Variants in ERGIC1 observed in about 807,000 individuals in gnomAD.
The protein encoded by ERGIC1 is endoplasmic reticulum-Golgi intermediate compartment protein 1.
In ERGIC1, 19 loss-of-function variants were observed where a neutral mutation model predicts 38.3. The observed-to-expected ratio is 0.50, with a 90% CI of 0.35 to 0.73. ERGIC1 has a LOEUF of 0.73. Among genes scored for constraint, ERGIC1 ranks in the 30% least tolerant of loss-of-function variants. ERGIC1 has a pLI of 0.01. For missense variants in ERGIC1, 294 were observed against 389.2 expected, an observed-to-expected ratio of 0.76 and a Z score of 2.06; for synonymous variants, 124 against 157.6, an observed-to-expected ratio of 0.79 and a Z score of 1.60.
intron 1 of ERGIC1, among the ~76,000 whole-genome samples, chr5:172,871,162 G>A (rs530188979): frequency 7.4e-4 from 113 of 152,334 alleles, no homozygotes; most frequent in Middle Eastern, 3.4e-3. Flanking sequence ...AGAGGTCCCC[G>A]TGGGGGCACT....
rs558427018 is a variant in ERGIC1, at chr5:172,911,248, C to T, written c.250+1487C>T. Among the ~76,000 whole-genome samples, 68 of 152,316 alleles carry T rather than the reference C, an allele frequency of 4.5e-4. 1 individual carries two copies. Among genetic ancestry groups the T allele is most frequent in the African/African-American group, 1.4e-3 (58 of 41,562 alleles). ...GTCACAATTTTGAATCCTCGCTGGG[C>T]CCCAAGCCAGGGAACCTGTTGAAAT... On this transcript the variant is annotated intron_variant, in intron 4 of 9. Coordinates refer to ENST00000393784, the MANE Select transcript of ERGIC1 (RefSeq NM_001031711.3).
intron 9 of ERGIC1, among the ~76,000 whole-genome samples, chr5:172,947,001 T>C (rs1764136903): frequency 6.6e-6 from 1 of 151,702 alleles, no homozygotes; most frequent in Non-Finnish European, 1.5e-5. Context: ...CTGGCCAACA[T>C]GGTAAAACCC....
At chr5:172,880,123 A>C (rs866391998) in intron 1 of ERGIC1, among the ~76,000 whole-genome samples, 14 of 150,906 alleles carry the variant, frequency 9.3e-5, no homozygotes, top group Admixed American at 8.6e-4. Flanking sequence ...TGCAACCTCC[A>C]CCTCCCAGAT....
chr5:172,937,561 TTGGGAGGCTGAGG>T lies in ERGIC1; in HGVS notation c.765+2259_765+2271del, dbSNP rs1386893002. On this transcript the variant is annotated intron_variant, in intron 9 of 9. Transcript: ENST00000393784. Reference sequence around the variant, plus strand: ...GGTGCATGCCTGTAGTTTCAGCTAGTTGGGAGGCTGAGGTGGGAGGATTGCTTGAGCGTGGGAG... The same window carrying T: ...GGTGCATGCCTGTAGTTTCAGCTAGTTGGGAGGATTGCTTGAGCGTGGGAG... 2.0e-5 allele frequency: 3 copies of T among 152,156 alleles called. No individual in the cohort carries two copies. The East Asian group carries it at 5.8e-4, about 29-fold the overall frequency. 9.4% of individuals were successfully genotyped at this position (152,156 alleles called of 1,614,324 possible). A position where few individuals can be genotyped will look rare whatever the true frequency, so the allele number is the denominator to read the frequency against.
intron 9 of ERGIC1, chr5:172,937,240 C>T (rs1763905353): frequency 6.6e-6 from 1 of 152,152 alleles, no homozygotes; most frequent in Admixed American, 6.6e-5. Context: ...AGAACTCCTA[C>T]AGATCAGTAA....
intron 1 of ERGIC1, among the ~76,000 whole-genome samples, chr5:172,878,365 G>A (rs142310123): frequency 0.016 from 2,362 of 152,288 alleles, 35 homozygotes; most frequent in Non-Finnish European, 0.021. Flanking sequence ...TGTGGCCCAG[G>A]GGTGAGAAGA....
intron 2 of ERGIC1, among the ~76,000 whole-genome samples, chr5:172,893,704 G>A (rs977457878): frequency 6.6e-6 from 1 of 151,332 alleles, no homozygotes; most frequent in Non-Finnish European, 1.5e-5. Flanking sequence ...GATTTGTTCA[G>A]CAGCTGGAGA....
At chr5:172,947,119 G>A (rs993198150) in intron 9 of ERGIC1, among the ~76,000 whole-genome samples, 2 of 151,700 alleles carry the variant, frequency 1.3e-5, no homozygotes, top group South Asian at 4.2e-4. Flanking sequence ...AGGAGTGGAG[G>A]TTGCAGTGAG....
At chr5:172,847,804 C>T (rs1461771288) in intron 1 of ERGIC1, among the ~76,000 whole-genome samples, 6 of 152,198 alleles carry the variant, frequency 3.9e-5, no homozygotes, top group Non-Finnish European at 8.8e-5. Context: ...TGTGCCACCA[C>T]GCCCGGCCAC....
chr5:172,910,458 G>C (rs1439537110), intron 4 of ERGIC1, among the ~76,000 whole-genome samples: 1 of 152,082 alleles, frequency 6.6e-6, no homozygotes, highest in Non-Finnish European at 1.5e-5. Flanking sequence ...ACAGTGAAGG[G>C]CTGGGAGATT....
intron 3 of ERGIC1, among the ~76,000 whole-genome samples, chr5:172,909,427 TG>T (rs1001550742): frequency 4.6e-5 from 7 of 152,142 alleles, no homozygotes; most frequent in African/African-American, 1.7e-4. Flanking sequence ...CCCAAAGTGC[TG>T]GGATAACAGG....
chr5:172,850,162 T>G (rs1217316893), intron 1 of ERGIC1, among the ~76,000 whole-genome samples: 1 of 152,222 alleles, frequency 6.6e-6, no homozygotes, highest in Non-Finnish European at 1.5e-5. Context: ...CTTTCGGGCC[T>G]GCCTGACTTT....
chr5:172,846,811 G>A lies in ERGIC1; in HGVS notation c.20+12378G>A, dbSNP rs34709947. On this transcript the variant is annotated intron_variant, in intron 1 of 9. Coordinates refer to ENST00000393784, the MANE Select transcript of ERGIC1 (RefSeq NM_001031711.3). This position sits in a 1 kb window ranked among gnomAD's most constrained non-coding sequence, Gnocchi z 4.0. ...ATTCAGGATGTGACTCTTGACTGCC[G>A]TGAGGACTAAATAAGTTTGCCTCTG... is the stretch of plus-strand genomic sequence containing the variant. Among the ~76,000 whole-genome samples the A allele has an allele frequency of 0.16, 24,996 of 152,112 alleles. 2,243 individuals are homozygous for A. The highest frequency in any genetic ancestry group is 0.34 in the East Asian group (1,745 of 5,158).
intron 5 of ERGIC1, among the ~76,000 whole-genome samples, chr5:172,919,035 TC>T (rs1438355326): frequency 6.6e-6 from 1 of 152,130 alleles, no homozygotes; most frequent in African/African-American, 2.4e-5. Flanking sequence ...CTATTGAGCA[TC>T]CACCTCACGC....
chr5:172,894,192 TTTC>T (rs1403545262), intron 2 of ERGIC1, among the ~76,000 whole-genome samples: 1 of 96,844 alleles, frequency 1.0e-5, no homozygotes, highest in African/African-American at 3.8e-5. Flanking sequence ...GGTACAACTT[TTTC>T]TTTTTTTTTT....
intron 1 of ERGIC1, among the ~76,000 whole-genome samples, chr5:172,875,869 C>T (rs1026654044): frequency 3.9e-5 from 6 of 152,178 alleles, no homozygotes; most frequent in Non-Finnish European, 7.3e-5. Flanking sequence ...TGCCTGGCCA[C>T]GTCCTTTATT....
chr5:172,922,718 C>A (rs1489844353), intron 5 of ERGIC1, among the ~76,000 whole-genome samples: 1 of 152,238 alleles, frequency 6.6e-6, no homozygotes, highest in African/African-American at 2.4e-5. Context: ...TGGCCAGCGG[C>A]CAGATGTGGC....
intron 1 of ERGIC1, among the ~76,000 whole-genome samples, chr5:172,858,568 C>T (rs549819657): frequency 1.3e-5 from 2 of 152,306 alleles, no homozygotes; most frequent in African/African-American, 4.8e-5. Context: ...CATAGACACT[C>T]GGGGTGGGGC....
intron 9 of ERGIC1, among the ~76,000 whole-genome samples, chr5:172,939,749 G>A (rs1763968065): frequency 6.6e-6 from 1 of 152,218 alleles, no homozygotes; most frequent in African/African-American, 2.4e-5. Context: ...GTAACCGTGG[G>A]GTCAGCTCTG....
Sources: allele counts gnomAD v4.1 joint callset (sites outside exome capture counted in the v4.1 genomes callset), GRCh38; gene constraint gnomAD v4.1.1; non-coding constraint Gnocchi (gnomAD v3.1); transcripts MANE v1.5; gene names NCBI Gene and HGNC (gene_info 2026-07-23, HGNC 2026-07-21).